Variants in ABCB11 observed in about 807,000 individuals in gnomAD.
The protein encoded by ABCB11 is bile salt export pump.
Under a neutral mutation model 148.0 loss-of-function variants are expected in ABCB11, and 95 were observed. That is an observed-to-expected ratio of 0.64 (90% CI 0.54 to 0.76). The LOEUF (loss-of-function observed/expected upper bound fraction) is 0.76, where lower values mean the gene tolerates loss of function less well. Among genes scored for constraint, ABCB11 ranks in the 30% least tolerant of loss-of-function variants. The probability of loss-of-function intolerance (pLI) is 0.00; values close to 1 mark genes in which losing one functional copy is unlikely to be tolerated. For missense variants in ABCB11, 1,523 were observed against 1,617.8 expected, an observed-to-expected ratio of 0.94 and a Z score of 1.01; for synonymous variants, 591 against 555.4, an observed-to-expected ratio of 1.06 and a Z score of -0.90.
chr2:168,971,871 G>T lies in ABCB11; in HGVS notation c.1614C>A (p.Tyr538Ter). Residue 538 changes from tyrosine (Y) to a stop codon, truncating the protein, a stop_gained, in exon 14 of 28, where the codon TAC becomes TAA. Transcript: ENST00000650372. LOFTEE classifies it high-confidence loss of function. ...IVQAAKEANA[Y>*]NFIMDLPQQF... ...CCTGTGGCAGGTCCATGATGAAGTTGTAGGCATTGGCCTCCTTGGCAGCTT... is the reference window on the plus strand; with the variant it reads ...CCTGTGGCAGGTCCATGATGAAGTTTTAGGCATTGGCCTCCTTGGCAGCTT... The T allele has an allele frequency of 6.2e-7, 1 of 1,612,802 alleles. No individual in the cohort carries two copies. Among genetic ancestry groups the T allele is most frequent in the Non-Finnish European group, 8.5e-7 (1 of 1,179,220 alleles).
chr2:168,956,808 T>C (rs114691375), intron 19 of ABCB11, among the ~76,000 whole-genome samples: 1 of 151,592 alleles, frequency 6.6e-6, no homozygotes, highest in Non-Finnish European at 1.5e-5. Context: ...CAGCTCTTCA[T>C]GTCAGGGAAA....
intron 25 of ABCB11, among the ~76,000 whole-genome samples, chr2:168,929,630 G>T (rs1249523683): frequency 6.6e-6 from 1 of 152,156 alleles, no homozygotes; most frequent in Non-Finnish European, 1.5e-5. Flanking sequence ...GGTAAAAGAA[G>T]TAAGAGGTGA....
At chr2:168,985,953 A>T (rs1366320597) in intron 10 of ABCB11, among the ~76,000 whole-genome samples, 157 bp downstream of exon 10, 1 of 152,138 alleles carries the variant, frequency 6.6e-6, no homozygotes, top group East Asian at 1.9e-4. Flanking sequence ...AAATAAAAAA[A>T]AATTTAAGGT....
intron 25 of ABCB11, among the ~76,000 whole-genome samples, chr2:168,929,157 C>A (rs1341994967): frequency 6.6e-6 from 1 of 151,958 alleles, no homozygotes; most frequent in Admixed American, 6.6e-5. Flanking sequence ...ATTTTCAGAC[C>A]CATATCTATG....
In ABCB11 at chr2:169,016,820, C is replaced by T. The variant is rs372540174; in HGVS notation, c.77-21G>A. The stretch of plus-strand genomic sequence containing the variant: ...ATTATCTGTCAGAAAAAAAAATCAA[C>T]GCAAAAAAGCAGTTAATAATAATGA... On this transcript the variant is annotated intron_variant, in intron 2 of 27. Transcript: ENST00000650372. 8.1e-5 allele frequency: 128 copies of T among 1,570,564 alleles called. 1 individual carries two copies. Among genetic ancestry groups the T allele is most frequent in the Middle Eastern group, 6.7e-4 (4 of 5,952 alleles).
intron 5 of ABCB11, 65 bp downstream of exon 5, chr2:169,013,207 A>G (rs1695241365): frequency 2.4e-6 from 3 of 1,259,452 alleles, no homozygotes; most frequent in Non-Finnish European, 3.4e-6. Flanking sequence ...TCCCCTCTAT[A>G]CATTTTGAAT....
chr2:168,971,969 C>G lies in ABCB11; in HGVS notation c.1516G>C (p.Val506Leu). ...DQIGIVEQEP[V>L]LFSTTIAENI... is the part of the protein sequence containing the mutation. Reference sequence around the variant, plus strand: ...TCTGCAATGGTGGTAGAGAACAGAACTGGCTCTTGCTCCACTATCCCAATC... The same window carrying G: ...TCTGCAATGGTGGTAGAGAACAGAAGTGGCTCTTGCTCCACTATCCCAATC... The change falls in exon 14 of 28, where the codon GTT becomes CTT. Residue 506 changes from valine to leucine, a missense_variant. Transcript: ENST00000650372. The G allele has an allele frequency of 2.5e-6, 4 of 1,613,050 alleles. No individual in the cohort carries two copies. In the South Asian group the frequency reaches 4.4e-5, roughly 18 times the overall value.
chr2:168,936,527 G>A lies in ABCB11; in HGVS notation c.2611-94C>T, dbSNP rs991684641. The A allele has an allele frequency of 7.2e-6, 8 of 1,104,228 alleles. No individual in the cohort carries two copies. The Admixed American group carries it at 7.7e-5, about 11-fold the overall frequency. The allele number at this position is 1,104,228 out of a possible 1,614,324, so 68.4% of individuals were successfully genotyped here. A position where few individuals can be genotyped will look rare whatever the true frequency, so the allele number is the denominator to read the frequency against. ...AAGGTCAGACCTTTTATAAAGTTGT[G>A]ATAAAATATACATAACAATATATAT... On this transcript the variant is annotated intron_variant, in intron 21 of 27. Coordinates refer to ENST00000650372, the MANE Select transcript of ABCB11 (RefSeq NM_003742.4).
At position 168,976,596 on chromosome 2, in the gene ABCB11, G is replaced by C; in HGVS notation, c.1289C>G (p.Pro430Arg). The change falls in exon 12 of 28, where the codon CCT becomes CGT. Residue 430 changes from proline to arginine, a missense_variant. Coordinates refer to ENST00000650372, the MANE Select transcript of ABCB11 (RefSeq NM_003742.4). ...IEFHNVTFHY[P>R]SRPEVKILND... ...ACTCACCTTCACCTCTGGTCTGGAA[G>C]GATAATGGAAGGTCACATTATGGAA... 6.2e-7 allele frequency: 1 copy of C among 1,600,820 alleles called. No individual in the cohort carries two copies. Among genetic ancestry groups the C allele is most frequent in the Non-Finnish European group, 8.5e-7 (1 of 1,169,772 alleles).
At chr2:168,974,884 T>C (rs995019479) in intron 12 of ABCB11, among the ~76,000 whole-genome samples, 3 of 150,594 alleles carry the variant, frequency 2.0e-5, no homozygotes, top group African/African-American at 7.3e-5. Context: ...ACATATGTAA[T>C]AGATAATAAA....
At chr2:168,984,974 C>T (rs1238693306) in intron 10 of ABCB11, among the ~76,000 whole-genome samples, 1 of 152,030 alleles carries the variant, frequency 6.6e-6, no homozygotes, top group Non-Finnish European at 1.5e-5. Flanking sequence ...GCATAAGGAA[C>T]AGTCAGCGAG....
chr2:169,002,165 A>G (rs1392466904), intron 5 of ABCB11, among the ~76,000 whole-genome samples: 2 of 152,200 alleles, frequency 1.3e-5, no homozygotes, highest in African/African-American at 4.8e-5. Flanking sequence ...TACTAGAGAT[A>G]AAAATCATTT....
intron 11 of ABCB11, among the ~76,000 whole-genome samples, chr2:168,979,594 C>A (rs1475234890): frequency 6.7e-6 from 1 of 148,774 alleles, no homozygotes; most frequent in Non-Finnish European, 1.5e-5. Context: ...ATCGCTTGAA[C>A]CTGGGAGGAG....
At chr2:168,935,467 T>G (rs781713388) in intron 22 of ABCB11, 42 bp from the exon 23 acceptor site, 46 of 1,579,464 alleles carry the variant, frequency 2.9e-5, no homozygotes, top group Admixed American at 7.1e-5. Context: ...AGGGCAGAAA[T>G]AACTCCTTTC....
rs373885791 is a variant in ABCB11, at chr2:168,932,399, T to A, written c.3191A>T (p.Tyr1064Phe). 41 of 1,569,496 alleles carry A rather than the reference T, an allele frequency of 2.6e-5. No homozygotes were observed. The highest frequency in any genetic ancestry group is 3.5e-5 in the Non-Finnish European group (40 of 1,156,698). The change falls in exon 24 of 28, where the codon TAC becomes TTC. Residue 1064 changes from tyrosine (Y) to phenylalanine (F), a missense_variant. Transcript: ENST00000650372. ...LLDRQPPISV[Y>F]NTAGEKWDNF... ...TACCCATTTTTCACCTGCAGTATTG[T>A]ATACACTGATTGGGGGTTGTCGGTC... is the stretch of plus-strand genomic sequence containing the variant.
chr2:168,951,019 T>C (rs894141264), intron 19 of ABCB11, among the ~76,000 whole-genome samples: 2 of 151,776 alleles, frequency 1.3e-5, no homozygotes, highest in Non-Finnish European at 2.9e-5. Flanking sequence ...CCAGCACCTT[T>C]TATTGAGTAG....
chr2:168,966,628 G>T lies in ABCB11; in HGVS notation c.2075+1799C>A, dbSNP rs10168323. On this transcript the variant is annotated intron_variant, in intron 17 of 27. Transcript: ENST00000650372. ...AACATTATTATTTAGGAAATTTGTGGCTGTTATGTATTAAATTGTTCTTGA... is the reference window on the plus strand; with the variant it reads ...AACATTATTATTTAGGAAATTTGTGTCTGTTATGTATTAAATTGTTCTTGA... 5.6e-3 allele frequency among the ~76,000 whole-genome samples: 851 copies of T among 151,954 alleles called. 12 individuals are homozygous for T. The highest frequency in any genetic ancestry group is 0.02 in the African/African-American group (811 of 41,510).
At chr2:169,019,833 A>C (rs193151932) in intron 1 of ABCB11, among the ~76,000 whole-genome samples, 16 of 152,314 alleles carry the variant, frequency 1.1e-4, no homozygotes, top group Non-Finnish European at 2.4e-4. Flanking sequence ...ATGAGAAAAA[A>C]AAGTAATCTT....
At chr2:168,987,107 A>G (rs1694352347) in intron 9 of ABCB11, among the ~76,000 whole-genome samples, 1 of 152,142 alleles carries the variant, frequency 6.6e-6, no homozygotes, top group South Asian at 2.1e-4. Flanking sequence ...GAAATAAGGA[A>G]CCTCACTCCA....
Sources: gnomAD v4.1 joint callset for allele counts (sites outside exome capture counted in the v4.1 genomes callset) on GRCh38, gnomAD v4.1.1 for gene constraint, MANE v1.5 for transcripts, NCBI Gene and HGNC (gene_info 2026-07-23, HGNC 2026-07-21) for gene names.